Variants in MYO9A observed in about 807,000 individuals in gnomAD.
The protein encoded by MYO9A is myosin IXA.
In MYO9A, 103 loss-of-function variants were observed where a neutral mutation model predicts 293.3. That is an observed-to-expected ratio of 0.35 (90% CI 0.30 to 0.41). The LOEUF (loss-of-function observed/expected upper bound fraction) is 0.41, where lower values mean the gene tolerates loss of function less well. Ranked by LOEUF, MYO9A falls within the 10% of genes least tolerant of loss-of-function variation. The pLI is 1.00. For synonymous variants in MYO9A, 1,001 were observed against 1,035.7 expected (o/e 0.97, Z 0.64); for missense variants, 2,685 against 3,033.0 (o/e 0.89, Z 2.69).
At chr15:72,075,636 C>T (rs976767745) in intron 1 of MYO9A, among the ~76,000 whole-genome samples, 3 of 151,686 alleles carry the variant, frequency 2.0e-5, no homozygotes, top group African/African-American at 4.8e-5. Flanking sequence ...CAAATTAAAA[C>T]GAAGAAAGCC....
chr15:71,994,229 A>T (rs1178580011), intron 10 of MYO9A, among the ~76,000 whole-genome samples: 2 of 152,160 alleles, frequency 1.3e-5, no homozygotes, highest in Non-Finnish European at 2.9e-5. Context: ...AGAGAGCATG[A>T]TTCTATTTAC....
At chr15:71,840,116 C>T (rs1260080036) in intron 39 of MYO9A, among the ~76,000 whole-genome samples, 1 of 152,140 alleles carries the variant, frequency 6.6e-6, no homozygotes, top group Non-Finnish European at 1.5e-5. Context: ...TATAAATATC[C>T]CATAGGAAGT....
In MYO9A at chr15:71,822,852, A is replaced by ACAAT. The variant is rs2054326869; in HGVS notation, c.*3724_*3727dup. ...CATGAGACCTAATAGATCCATCTCC[A>ACAAT]CAATCATCATTTTGCTGTTACCCTT... is the stretch of plus-strand genomic sequence containing the variant. On this transcript the variant is annotated 3_prime_UTR_variant, in exon 42 of 42. Coordinates refer to ENST00000356056, the MANE Select transcript of MYO9A (RefSeq NM_006901.4). 1 of 152,180 alleles carries ACAAT rather than the reference A, an allele frequency of 6.6e-6. No individual in the cohort carries two copies. Among genetic ancestry groups the ACAAT allele is most frequent in the Non-Finnish European group, 1.5e-5 (1 of 68,018 alleles). 9.4% of individuals were successfully genotyped at this position (152,180 alleles called of 1,614,324 possible).
intron 12 of MYO9A, among the ~76,000 whole-genome samples, chr15:71,971,579 G>A (rs982718947): frequency 1.5e-5 from 2 of 134,628 alleles, no homozygotes; most frequent in Non-Finnish European, 3.1e-5. Flanking sequence ...GCTAGACACT[G>A]TCTCAAAAAA....
intron 9 of MYO9A, among the ~76,000 whole-genome samples, chr15:71,996,228 A>G (rs544187054): frequency 2.6e-5 from 4 of 152,370 alleles, no homozygotes; most frequent in Non-Finnish European, 5.9e-5. Flanking sequence ...ATCAACAAAT[A>G]TAAGACATAG....
At chr15:72,006,253 T>G (rs567087198) in intron 8 of MYO9A, among the ~76,000 whole-genome samples, 59 of 151,480 alleles carry the variant, frequency 3.9e-4, no homozygotes, top group East Asian at 7.8e-4. Context: ...TTTGTGTTTT[T>G]TTTTTGTTGT....
chr15:71,983,269 A>G (rs1291862674), intron 11 of MYO9A, among the ~76,000 whole-genome samples: 1 of 151,112 alleles, frequency 6.6e-6, no homozygotes, highest in Non-Finnish European at 1.5e-5. Context: ...TTCAAGTTTT[A>G]TATTATTTTA....
chr15:72,103,128 G>A (rs1315240643), intron 1 of MYO9A, among the ~76,000 whole-genome samples: 2 of 147,966 alleles, frequency 1.4e-5, no homozygotes, highest in Non-Finnish European at 3.0e-5. Context: ...CCTGGCAGGC[G>A]GAGGTTGCAG....
chr15:71,846,956 C>A (rs1432483543), intron 39 of MYO9A, among the ~76,000 whole-genome samples: 1 of 152,076 alleles, frequency 6.6e-6, no homozygotes, highest in African/African-American at 2.4e-5. Flanking sequence ...TGGGAGGACA[C>A]CATCGGAGTC....
intron 2 of MYO9A, chr15:72,036,619 A>C (rs1401032043): frequency 6.6e-6 from 1 of 152,130 alleles, no homozygotes; most frequent in Non-Finnish European, 1.5e-5. Flanking sequence ...ACTCATCCAA[A>C]CTCCACTTCC....
rs145315780 is a variant in MYO9A, at chr15:71,879,631, C to T, written c.5739+90G>A. 2.2e-4 allele frequency: 207 copies of T among 924,016 alleles called. No individual in the cohort carries two copies. The African/African-American group carries it at 2.9e-3, about 13-fold the overall frequency. The allele number at this position is 924,016 out of a possible 1,614,324, so 57.2% of individuals were successfully genotyped here. The stretch of plus-strand genomic sequence containing the variant: ...AACAAGGCACTGGAGAAATCTCTTA[C>T]GAAACATGGCTTTTGTATTATCTTC... On this transcript the variant is annotated intron_variant, in intron 30 of 41. Coordinates refer to ENST00000356056, the MANE Select transcript of MYO9A (RefSeq NM_006901.4).
chr15:71,986,593 T>C (rs1037407391), intron 11 of MYO9A, among the ~76,000 whole-genome samples: 6 of 152,208 alleles, frequency 3.9e-5, no homozygotes, highest in Admixed American at 1.3e-4. Flanking sequence ...TAATATGCTA[T>C]GGTAATATGT....
intron 1 of MYO9A, among the ~76,000 whole-genome samples, chr15:72,088,691 T>C (rs752008666): frequency 5.3e-5 from 8 of 152,174 alleles, no homozygotes; most frequent in Non-Finnish European, 1.2e-4. Flanking sequence ...CAGTAAAAAA[T>C]ATATATATGT....
At chr15:72,013,687 G>C (rs1337711845) in intron 6 of MYO9A, among the ~76,000 whole-genome samples, 1 of 152,212 alleles carries the variant, frequency 6.6e-6, no homozygotes, top group Non-Finnish European at 1.5e-5. Context: ...GATAAACCTA[G>C]CATGGAGTAG....
intron 9 of MYO9A, among the ~76,000 whole-genome samples, chr15:71,998,691 T>C (rs1369092314): frequency 2.0e-5 from 3 of 152,028 alleles, no homozygotes; most frequent in African/African-American, 7.3e-5. Context: ...ACTCGTCATT[T>C]AGCATTAGGG....
At chr15:72,101,485 C>T (rs1186007469) in intron 1 of MYO9A, among the ~76,000 whole-genome samples, 162 of 102,268 alleles carry the variant, frequency 1.6e-3, no homozygotes, top group Non-Finnish European at 2.7e-3. Context: ...GCCCCCCGCC[C>T]GGCCAGCCGC....
At chr15:71,963,048 G>A (rs2075783625) in intron 13 of MYO9A, among the ~76,000 whole-genome samples, 1 of 152,024 alleles carries the variant, frequency 6.6e-6, no homozygotes, top group African/African-American at 2.4e-5. Context: ...GGAAATTCAA[G>A]GGTGGGTTTA....
chr15:72,013,270 T>G (rs1454398954), intron 6 of MYO9A, among the ~76,000 whole-genome samples: 1 of 152,180 alleles, frequency 6.6e-6, no homozygotes, highest in Non-Finnish European at 1.5e-5. Flanking sequence ...TGTATTTATT[T>G]ATATACCATC....
rs572040374 is a variant in MYO9A, at chr15:71,853,127, G to A, written c.6347-867C>T. 4.6e-5 allele frequency among the ~76,000 whole-genome samples: 6 copies of A among 129,556 alleles called. No homozygotes were observed. In the South Asian group the frequency reaches 7.2e-4, roughly 16 times the overall value. 85.0% of individuals were successfully genotyped at this position (129,556 alleles called of 152,430 possible). The stretch of plus-strand genomic sequence containing the variant: ...AATGAATGAATGAATGAATGTTTTC[G>A]TGCTGAAGCACTGTTATACTGCTAT... On this transcript the variant is annotated intron_variant, in intron 35 of 41. Transcript: ENST00000356056.
Sources: gnomAD v4.1 joint callset for allele counts (sites outside exome capture counted in the v4.1 genomes callset) on GRCh38, gnomAD v4.1.1 for gene constraint, MANE v1.5 for transcripts, NCBI Gene and HGNC (gene_info 2026-07-23, HGNC 2026-07-21) for gene names.